Variants in ST18 observed in about 807,000 individuals in gnomAD.
ST18 encodes ST18 C2H2C-type zinc finger transcription factor, also known as suppression of tumorigenicity 18 protein.
A neutral mutation model predicts 110.0 loss-of-function variants in ST18; 50 were observed. The observed-to-expected ratio is 0.45, with a 90% CI of 0.36 to 0.58. The LOEUF is 0.58. ST18 is among the 20% of genes least tolerant of loss of function. ST18 has a pLI of 0.00. For missense variants in ST18, 1,306 were observed against 1,280.1 expected (o/e 1.02, Z -0.31); for synonymous variants, 461 against 452.4 (o/e 1.02, Z -0.24).
At chr8:52,276,012 C>T (rs1238782429) in intron 2 of ST18, among the ~76,000 whole-genome samples, 1 of 30,618 alleles carries the variant, frequency 3.3e-5, no homozygotes, top group Non-Finnish European at 7.8e-5. Flanking sequence ...ACCATACGTA[C>T]CACATACCCC....
At chr8:52,320,401 A>G (rs544939533) in intron 2 of ST18, among the ~76,000 whole-genome samples, 136 of 152,310 alleles carry the variant, frequency 8.9e-4, no homozygotes, top group African/African-American at 3.0e-3. Flanking sequence ...ACAAATAAAT[A>G]AAATTGAATT....
intron 2 of ST18, among the ~76,000 whole-genome samples, chr8:52,233,037 T>C (rs920781696): frequency 1.3e-5 from 2 of 152,182 alleles, no homozygotes; most frequent in Non-Finnish European, 2.9e-5. Flanking sequence ...TCCACAGATA[T>C]TTATTTTAAA....
At chr8:52,333,282 C>G (rs1810454529) in intron 2 of ST18, among the ~76,000 whole-genome samples, 1 of 150,684 alleles carries the variant, frequency 6.6e-6, no homozygotes, top group African/African-American at 2.5e-5. Flanking sequence ...TAAATAAGAC[C>G]TGCATAGCAT....
chr8:52,209,219 G>A (rs2081247383), intron 8 of ST18, among the ~76,000 whole-genome samples: 2 of 152,062 alleles, frequency 1.3e-5, no homozygotes, highest in Non-Finnish European at 2.9e-5. Flanking sequence ...TCACTTTTTG[G>A]TTTCTACTCT....
At chr8:52,352,619 G>C (rs999375587) in intron 2 of ST18, among the ~76,000 whole-genome samples, 9 of 152,164 alleles carry the variant, frequency 5.9e-5, no homozygotes, top group African/African-American at 2.2e-4. Flanking sequence ...GAGAGGTTTG[G>C]ATCAGCAACA....
At chr8:52,179,263 T>G (rs1376825787) in intron 9 of ST18, among the ~76,000 whole-genome samples, 1 of 152,186 alleles carries the variant, frequency 6.6e-6, no homozygotes, top group South Asian at 2.1e-4. Flanking sequence ...TAGAGGCATG[T>G]GACTACCAGG....
chr8:52,298,257 CTG>C (rs2095664046), intron 2 of ST18, among the ~76,000 whole-genome samples: 1 of 152,198 alleles, frequency 6.6e-6, no homozygotes, highest in African/African-American at 2.4e-5. Context: ...GAGAAACAAT[CTG>C]TGTGCGCAGG....
At position 52,164,000 on chromosome 8, in the gene ST18, A is replaced by G. The variant is rs1196594382; in HGVS notation, c.1386T>C (p.Pro462=). ...GGGGTTCATACCTGTGGGCCTGGTCAGGACACTGCCCAGTTTGGGGAGAAT... is the reference window on the plus strand; with the variant it reads ...GGGGTTCATACCTGTGGGCCTGGTCGGGACACTGCCCAGTTTGGGGAGAAT... ...QLDSPQTGQC[P]DQAHRTSLVK... is the part of the protein sequence containing the mutation. Residue 462 remains proline (P), a synonymous_variant, in exon 13 of 26, where the codon CCT becomes CCC. Coordinates refer to ENST00000689386, the MANE Select transcript of ST18 (RefSeq NM_001352837.2). The G allele has an allele frequency of 1.9e-6, 3 of 1,614,082 alleles. No individual in the cohort carries two copies. The highest frequency in any genetic ancestry group is 2.7e-5 in the African/African-American group (2 of 75,058).
intron 2 of ST18, among the ~76,000 whole-genome samples, chr8:52,301,311 C>T (rs2095717502): frequency 6.6e-6 from 1 of 151,934 alleles, no homozygotes; most frequent in Non-Finnish European, 1.5e-5. Flanking sequence ...TAAGTGATAC[C>T]AAATTACCAA....
intron 16 of ST18, among the ~76,000 whole-genome samples, chr8:52,145,624 A>G (rs2056979393): frequency 6.6e-6 from 1 of 152,220 alleles, no homozygotes; most frequent in Admixed American, 6.5e-5. Context: ...CAAAATTTAA[A>G]GTATAATTTT....
intron 2 of ST18, among the ~76,000 whole-genome samples, chr8:52,311,804 G>T (rs2095917498): frequency 6.6e-6 from 1 of 152,154 alleles, no homozygotes; most frequent in Non-Finnish European, 1.5e-5. Context: ...CACCCACCAG[G>T]TTCCTCCCTC....
At chr8:52,329,091 A>G (rs768863486) in intron 2 of ST18, among the ~76,000 whole-genome samples, 10 of 152,148 alleles carry the variant, frequency 6.6e-5, no homozygotes, top group Non-Finnish European at 1.5e-4. Context: ...GCATATTCCA[A>G]TGACTAAAAA....
intron 2 of ST18, among the ~76,000 whole-genome samples, chr8:52,252,759 G>A (rs1046474951): frequency 6.6e-6 from 1 of 151,898 alleles, no homozygotes; most frequent in African/African-American, 2.4e-5. Context: ...ATCTAATATT[G>A]TAGTAAGCCA....
chr8:52,368,906 G>T (rs555912236), intron 2 of ST18, among the ~76,000 whole-genome samples: 1 of 152,064 alleles, frequency 6.6e-6, no homozygotes, highest in South Asian at 2.1e-4. Flanking sequence ...TACTTACCAC[G>T]CTCAGCCTGG....
chr8:52,295,676 T>C, intron 2 of ST18, among the ~76,000 whole-genome samples: 1 of 151,622 alleles, frequency 6.6e-6, no homozygotes, highest in East Asian at 1.9e-4. Context: ...CGGGACAATT[T>C]TGAGGCGCAA....
chr8:52,125,392 C>T (rs1405024193), intron 23 of ST18, among the ~76,000 whole-genome samples: 6 of 132,734 alleles, frequency 4.5e-5, no homozygotes, highest in Non-Finnish European at 9.1e-5. Context: ...CGCACGTACA[C>T]ACACACACAC....
intron 2 of ST18, among the ~76,000 whole-genome samples, chr8:52,311,783 G>C (rs549428460): frequency 6.6e-6 from 1 of 152,298 alleles, no homozygotes; most frequent in East Asian, 1.9e-4. Flanking sequence ...ATGCCCCCAT[G>C]ATTCAATCTC....
intron 2 of ST18, among the ~76,000 whole-genome samples, chr8:52,324,568 G>T (rs1805452750): frequency 6.6e-6 from 1 of 152,174 alleles, no homozygotes; most frequent in Non-Finnish European, 1.5e-5. Context: ...AACTAGTGAT[G>T]AGCACTGACT....
At chr8:52,254,405 G>C (rs182358971) in intron 2 of ST18, 1 of 152,038 alleles carries the variant, frequency 6.6e-6, no homozygotes, top group Admixed American at 6.6e-5. Context: ...CCCTCCTTAC[G>C]TCACACCTCC....
Sources: gnomAD v4.1 joint callset for allele counts (sites outside exome capture counted in the v4.1 genomes callset) on GRCh38, gnomAD v4.1.1 for gene constraint, MANE v1.5 for transcripts, NCBI Gene and HGNC (gene_info 2026-07-23, HGNC 2026-07-21) for gene names.